FCHO2: variants seen among roughly 807,000 people sequenced by gnomAD.
The protein encoded by FCHO2 is FCH and mu domain containing endocytic adaptor 2.
Under a neutral mutation model 114.1 loss-of-function variants are expected in FCHO2, and 43 were observed. The observed-to-expected ratio is 0.38, with a 90% CI of 0.30 to 0.49. The LOEUF (loss-of-function observed/expected upper bound fraction) is 0.49. FCHO2 is among the 20% of genes least tolerant of loss of function. The pLI is 0.97. For synonymous variants in FCHO2, 293 were observed against 315.2 expected, an observed-to-expected ratio of 0.93 and a Z score of 0.75; for missense variants, 807 against 950.4, an observed-to-expected ratio of 0.85 and a Z score of 1.98.
chr5:72,996,242 T>TAAAAAAAAA (rs1419191878), intron 5 of FCHO2, among the ~76,000 whole-genome samples: 1 of 41,134 alleles, frequency 2.4e-5, no homozygotes, highest in African/African-American at 6.2e-5. Context: ...AAACTCTGTC[T>TAAAAAAAAA]CAAAAAAAAA....
intron 18 of FCHO2, among the ~76,000 whole-genome samples, chr5:73,066,157 G>A (rs1742311674): frequency 6.6e-6 from 1 of 151,958 alleles, no homozygotes; most frequent in South Asian, 2.1e-4. Flanking sequence ...TTAAAATAAA[G>A]TGGGACTCAT....
chr5:73,031,433 G>A (rs1343919637), intron 8 of FCHO2, among the ~76,000 whole-genome samples: 2 of 152,154 alleles, frequency 1.3e-5, no homozygotes, highest in Non-Finnish European at 2.9e-5. Flanking sequence ...TTGTCCTGTT[G>A]ATGGCCTGAG....
intron 5 of FCHO2, among the ~76,000 whole-genome samples, chr5:72,994,277 A>C (rs1254885072): frequency 1.3e-5 from 2 of 152,222 alleles, no homozygotes; most frequent in African/African-American, 4.8e-5. Flanking sequence ...AAGGCACTTA[A>C]ACAAATTTAC....
chr5:72,992,530 A>G (rs931952189), intron 5 of FCHO2, among the ~76,000 whole-genome samples: 4 of 152,200 alleles, frequency 2.6e-5, no homozygotes, highest in Non-Finnish European at 5.9e-5. Context: ...TTACGTGGCA[A>G]AAGGGACTAA....
chr5:72,990,328 TGTCA>T, intron 3 of FCHO2, 146 bp from the exon 4 acceptor site: 1 of 607,092 alleles, frequency 1.6e-6, no homozygotes, highest in South Asian at 2.9e-5. Flanking sequence ...AAGGTCAGTC[TGTCA>T]ATCATTTTAT....
At chr5:73,008,004 G>T (rs1439842547) in intron 6 of FCHO2, among the ~76,000 whole-genome samples, 1 of 152,064 alleles carries the variant, frequency 6.6e-6, no homozygotes, top group African/African-American at 2.4e-5. Flanking sequence ...GGGTATAAAA[G>T]AACTTACATT....
chr5:72,987,734 A>G (rs1409840772), intron 2 of FCHO2, among the ~76,000 whole-genome samples: 3 of 152,222 alleles, frequency 2.0e-5, no homozygotes, highest in Non-Finnish European at 4.4e-5. Flanking sequence ...TTGGGTGAAC[A>G]AAGTATTACT....
chr5:73,077,018 C>T (rs1226181533), intron 20 of FCHO2, among the ~76,000 whole-genome samples: 3 of 151,964 alleles, frequency 2.0e-5, no homozygotes, highest in African/African-American at 4.8e-5. Context: ...CTAGGTATAG[C>T]GTTATGAGGA....
chr5:73,065,531 T>G (rs1474239967), intron 18 of FCHO2, among the ~76,000 whole-genome samples: 2 of 152,056 alleles, frequency 1.3e-5, no homozygotes, highest in East Asian at 3.9e-4. Context: ...CAGAGTTTAG[T>G]TGCCTCATGG....
chr5:73,056,232 C>A, intron 16 of FCHO2, 125 bp downstream of exon 16: 1 of 665,362 alleles, frequency 1.5e-6, no homozygotes, highest in Non-Finnish European at 2.5e-6. Flanking sequence ...CTTCATATGC[C>A]CAGTCTCTCT....
intron 1 of FCHO2, 139 bp downstream of exon 1, chr5:72,956,268 A>G: frequency 8.3e-7 from 1 of 1,199,660 alleles, no homozygotes. Context: ...CGCCTGGGTG[A>G]GGTCCGGCGG....
At chr5:73,019,415 A>C (rs1036593939) in intron 8 of FCHO2, among the ~76,000 whole-genome samples, 1 of 152,140 alleles carries the variant, frequency 6.6e-6, no homozygotes, top group African/African-American at 2.4e-5. Context: ...GGTGGTGCAC[A>C]TCTGTAATCC....
At chr5:73,075,598 ATG>A (rs1480339462) in intron 20 of FCHO2, among the ~76,000 whole-genome samples, 2 of 152,160 alleles carry the variant, frequency 1.3e-5, no homozygotes, top group Non-Finnish European at 2.9e-5. Context: ...ATGAAATTAC[ATG>A]TGTTTTCAGA....
intron 8 of FCHO2, among the ~76,000 whole-genome samples, chr5:73,020,451 C>A (rs1290608768): frequency 6.6e-6 from 1 of 152,304 alleles, no homozygotes; most frequent in Admixed American, 6.5e-5. Context: ...GAAAAAGATA[C>A]TTATAAATGA....
chr5:73,059,094 C>T (rs889837581), intron 17 of FCHO2, among the ~76,000 whole-genome samples: 2 of 152,134 alleles, frequency 1.3e-5, no homozygotes, highest in Non-Finnish European at 2.9e-5. Context: ...TATGAAGTTT[C>T]TCTTTTCATT....
intron 2 of FCHO2, among the ~76,000 whole-genome samples, chr5:72,979,461 G>A (rs1406098892): frequency 2.4e-5 from 3 of 123,654 alleles, no homozygotes; most frequent in East Asian, 2.4e-4. Context: ...GCGCGATCTC[G>A]GCTCACTGCA....
chr5:73,084,753 C>A (rs554337317), intron 24 of FCHO2, among the ~76,000 whole-genome samples: 25 of 152,288 alleles, frequency 1.6e-4, no homozygotes, highest in African/African-American at 5.3e-4. Flanking sequence ...CAGAATAAGA[C>A]TTTTACTGGA....
chr5:73,067,662 C>G (rs962939169), intron 18 of FCHO2, among the ~76,000 whole-genome samples: 10 of 151,760 alleles, frequency 6.6e-5, no homozygotes, highest in African/African-American at 2.2e-4. Context: ...GGACAGTTAT[C>G]TTTCTTGTTC....
intron 2 of FCHO2, 121 bp downstream of exon 2, chr5:72,968,710 A>T (rs1752339105): frequency 1.5e-6 from 1 of 686,390 alleles, no homozygotes; most frequent in Non-Finnish European, 2.3e-6. Flanking sequence ...TAAAATATGT[A>T]CTGTAATTAT....
Sources: gnomAD v4.1 joint callset for allele counts (sites outside exome capture counted in the v4.1 genomes callset) on GRCh38, gnomAD v4.1.1 for gene constraint, MANE v1.5 for transcripts, NCBI Gene and HGNC (gene_info 2026-07-23, HGNC 2026-07-21) for gene names.